BCAT1: variants seen among roughly 807,000 people sequenced by gnomAD.
BCAT1 encodes the protein branched chain amino acid transaminase 1.
In BCAT1, 48 loss-of-function variants were observed where a neutral mutation model predicts 52.4. The ratio of observed to expected loss-of-function variants is 0.92; its 90% CI spans 0.73 to 1.16. BCAT1 has a LOEUF of 1.16. BCAT1 is among the 50% of genes most tolerant of loss of function. The probability of loss-of-function intolerance (pLI) is 0.00; values close to 1 mark genes in which losing one functional copy is unlikely to be tolerated. For synonymous variants in BCAT1, 167 were observed against 161.3 expected (o/e 1.04, Z -0.27); for missense variants, 451 against 457.1 (o/e 0.99, Z 0.12).
chr12:24,913,708 C>T (rs777922886), intron 1 of BCAT1, among the ~76,000 whole-genome samples: 1 of 152,174 alleles, frequency 6.6e-6, no homozygotes, highest in Admixed American at 6.5e-5. Context: ...TGGTCTAATG[C>T]TAATAGACTG....
At chr12:24,863,005 G>GT (rs771758340) in intron 5 of BCAT1, among the ~76,000 whole-genome samples, 1 of 152,200 alleles carries the variant, frequency 6.6e-6, no homozygotes, top group Non-Finnish European at 1.5e-5. Flanking sequence ...GAGACTTGCT[G>GT]TAACAGGGCT....
intron 7 of BCAT1, among the ~76,000 whole-genome samples, chr12:24,836,879 G>A (rs1272523224): frequency 3.3e-5 from 3 of 89,682 alleles, no homozygotes; most frequent in African/African-American, 1.4e-4. Flanking sequence ...GAAAGAGAAA[G>A]AGAAAGAAAG....
chr12:24,837,001 CGAAG>C (rs1565454902), intron 7 of BCAT1, among the ~76,000 whole-genome samples: 2 of 78,242 alleles, frequency 2.6e-5, no homozygotes, highest in Non-Finnish European at 5.1e-5. Flanking sequence ...GAGGAAGGAA[CGAAG>C]GAAGGAAGAA....
chr12:24,905,775 G>T (rs1187575887), intron 1 of BCAT1, among the ~76,000 whole-genome samples: 1 of 151,966 alleles, frequency 6.6e-6, no homozygotes, highest in African/African-American at 2.4e-5. Context: ...GAAAGGTTAA[G>T]GATTAGGTGG....
chr12:24,875,006 CA>C (rs11370314), intron 5 of BCAT1, among the ~76,000 whole-genome samples: 71 of 137,964 alleles, frequency 5.1e-4, no homozygotes, highest in Non-Finnish European at 5.1e-4. Context: ...AAGACAGGAC[CA>C]AAAAAAAAAA....
chr12:24,858,546 G>T (rs1228749482), intron 5 of BCAT1, among the ~76,000 whole-genome samples: 1 of 152,164 alleles, frequency 6.6e-6, no homozygotes, highest in Non-Finnish European at 1.5e-5. Context: ...TCTAGGTAGG[G>T]CCTGGGGACA....
At chr12:24,917,149 G>A (rs1943424112) in intron 1 of BCAT1, among the ~76,000 whole-genome samples, 1 of 149,164 alleles carries the variant, frequency 6.7e-6, no homozygotes, top group African/African-American at 2.5e-5. Context: ...TTGATGTTGG[G>A]TTAGCAATCT....
chr12:24,873,882 T>A (rs1565475726), intron 5 of BCAT1, among the ~76,000 whole-genome samples: 2 of 152,238 alleles, frequency 1.3e-5, no homozygotes, highest in Non-Finnish European at 2.9e-5. Context: ...GAACAGTTAA[T>A]TAAACATGTT....
chr12:24,941,604 G>A (rs964249329), intron 1 of BCAT1, among the ~76,000 whole-genome samples: 5 of 152,202 alleles, frequency 3.3e-5, no homozygotes, highest in African/African-American at 7.2e-5. Flanking sequence ...CAAGGTTCCT[G>A]CCATGGTAGA....
At chr12:24,948,709 G>A (rs1044194650) in intron 1 of BCAT1, among the ~76,000 whole-genome samples, 4 of 152,174 alleles carry the variant, frequency 2.6e-5, no homozygotes, top group Admixed American at 2.6e-4. Context: ...GTCCGAGAAG[G>A]CACGTCCTGC....
At chr12:24,946,620 C>G (rs533702326) in intron 1 of BCAT1, among the ~76,000 whole-genome samples, 1 of 152,146 alleles carries the variant, frequency 6.6e-6, no homozygotes, top group Non-Finnish European at 1.5e-5. Flanking sequence ...ATTACTCCTG[C>G]GCATGCGTAC....
At chr12:24,912,114 AG>A (rs1406900783) in intron 1 of BCAT1, among the ~76,000 whole-genome samples, 1 of 152,234 alleles carries the variant, frequency 6.6e-6, no homozygotes, top group African/African-American at 2.4e-5. Context: ...CAAGACGGAA[AG>A]GATTTAAGTT....
chr12:24,812,386 T>A lies in BCAT1; in HGVS notation c.*5622A>T, dbSNP rs920442805. ...ATTTGGCCTCAAGAAGCTTCATGGA[T>A]CTTAGAATAAAATGGTTGAAGAAAT... On this transcript the variant is annotated 3_prime_UTR_variant, in exon 11 of 11. Transcript: ENST00000261192. The A allele has an allele frequency of 2.6e-5, 4 of 152,008 alleles. No individual in the cohort carries two copies. Among genetic ancestry groups the A allele is most frequent in the Non-Finnish European group, 4.4e-5 (3 of 67,896 alleles). The allele number at this position is 152,008 out of a possible 1,614,324, so 9.4% of individuals were successfully genotyped here. A position where few individuals can be genotyped will look rare whatever the true frequency, so the allele number is the denominator to read the frequency against.
chr12:24,886,571 A>G (rs1428403539), intron 3 of BCAT1, among the ~76,000 whole-genome samples: 4 of 152,248 alleles, frequency 2.6e-5, no homozygotes, highest in Non-Finnish European at 5.9e-5. Context: ...AGTATGTAAA[A>G]GCACTTTATG....
chr12:24,948,803 G>A, intron 1 of BCAT1, 124 bp downstream of exon 1: 2 of 1,033,940 alleles, frequency 1.9e-6, no homozygotes, highest in South Asian at 1.5e-5. Flanking sequence ...GACGTTTGCG[G>A]GGGATATAAG....
Position 24,917,563 on chromosome 12 carries a change from T to C in BCAT1, c.7-15678A>G, listed in dbSNP as rs375801302. On this transcript the variant is annotated intron_variant, in intron 1 of 10. Transcript: ENST00000261192. ...CTGTATTTAAGACTACTTGTCAAGG[T>C]CCCTTTCATGAATTTCCTTGAATAC... Among the ~76,000 whole-genome samples, 17 of 152,300 alleles carry C rather than the reference T, an allele frequency of 1.1e-4. No individual in the cohort carries two copies. In the East Asian group the frequency reaches 1.3e-3, roughly 12 times the overall value.
At chr12:24,823,932 C>G (rs1046501763) in intron 10 of BCAT1, among the ~76,000 whole-genome samples, 1 of 152,188 alleles carries the variant, frequency 6.6e-6, no homozygotes, top group Non-Finnish European at 1.5e-5. Context: ...TAAAAATGCT[C>G]TTTCTGAGAA....
At position 24,873,362 on chromosome 12, in the gene BCAT1, A is replaced by G. The variant is rs377724261; in HGVS notation, c.510+5168T>C. On this transcript the variant is annotated intron_variant, in intron 5 of 10. Coordinates refer to ENST00000261192, the MANE Select transcript of BCAT1 (RefSeq NM_005504.7). ...AATACTTTAGGAGATACTGATTAAA[A>G]TGCTGCTATAATCCTTTTTATAAAT... 3.5e-4 allele frequency among the ~76,000 whole-genome samples: 53 copies of G among 152,332 alleles called. No individual in the cohort carries two copies. The South Asian group carries it at 9.9e-3, about 29-fold the overall frequency.
intron 3 of BCAT1, among the ~76,000 whole-genome samples, chr12:24,885,953 G>T (rs563244806): frequency 6.6e-6 from 1 of 152,248 alleles, no homozygotes; most frequent in African/African-American, 2.4e-5. Context: ...CAGGAAAAGA[G>T]TCTTTAAAGA....
Sources: gnomAD v4.1 joint callset for allele counts (sites outside exome capture counted in the v4.1 genomes callset) on GRCh38, gnomAD v4.1.1 for gene constraint, MANE v1.5 for transcripts, NCBI Gene and HGNC (gene_info 2026-07-23, HGNC 2026-07-21) for gene names.